The following BAZ2B variants were observed in gnomAD, a reference collection of about 807,000 sequenced individuals.
BAZ2B encodes the protein bromodomain adjacent to zinc finger domain 2B.
BAZ2B carries 91 observed loss-of-function variants against 246.0 expected under a neutral mutation model. The ratio of observed to expected loss-of-function variants is 0.37; its 90% CI spans 0.31 to 0.44. The LOEUF is 0.44. BAZ2B is among the 20% of genes least tolerant of loss of function. The pLI, the probability that BAZ2B is intolerant of heterozygous loss-of-function variation, is 1.00. For synonymous variants in BAZ2B, 855 were observed against 860.0 expected (o/e 0.99, Z 0.10); for missense variants, 2,332 against 2,533.7 (o/e 0.92, Z 1.71).
the BAZ2B span, among the ~76,000 whole-genome samples, chr2:159,682,191 C>CT: frequency 0.018 from 1,987 of 111,758 alleles, 67 homozygotes; most frequent in African/African-American, 0.039. Flanking sequence ...TGCTCAGGCT[C>CT]TTTTTTTTTT....
the BAZ2B span, among the ~76,000 whole-genome samples, chr2:159,668,402 G>A: frequency 1.3e-5 from 2 of 152,106 alleles, no homozygotes; most frequent in African/African-American, 4.8e-5. Context: ...AATCCTTGGG[G>A]TAATATATTC....
chr2:159,372,870 A>G (rs1208122518), intron 27 of BAZ2B, among the ~76,000 whole-genome samples, 175 bp downstream of exon 27: 3 of 152,266 alleles, frequency 2.0e-5, no homozygotes, highest in Non-Finnish European at 4.4e-5. Context: ...ATCAAGGGCT[A>G]GGAGGAAGTG....
rs544228676 is a variant in BAZ2B, at chr2:159,593,686, A to C, written c.-46+22556T>G. On this transcript the variant is annotated intron_variant, in intron 1 of 36. Coordinates refer to ENST00000392783, the MANE Select transcript of BAZ2B (RefSeq NM_013450.4). ...TGGGACACAAATCATCCCTTTGTCCAGCATATCTACTCTATAAACGCTACC... is the reference window on the plus strand; with the variant it reads ...TGGGACACAAATCATCCCTTTGTCCCGCATATCTACTCTATAAACGCTACC... Among the ~76,000 whole-genome samples, 5 of 152,320 alleles carry C rather than the reference A, an allele frequency of 3.3e-5. No individual in the cohort carries two copies. The East Asian group carries it at 7.7e-4, about 23-fold the overall frequency.
intron 13 of BAZ2B, among the ~76,000 whole-genome samples, chr2:159,417,954 G>C (rs1040751770): frequency 1.3e-5 from 2 of 152,218 alleles, no homozygotes; most frequent in African/African-American, 2.4e-5. Flanking sequence ...AGGAATTAGA[G>C]CTAGAAAGAG....
At chr2:159,566,872 T>C (rs992560458) in intron 1 of BAZ2B, among the ~76,000 whole-genome samples, 2 of 152,066 alleles carry the variant, frequency 1.3e-5, no homozygotes, top group Admixed American at 6.6e-5. Flanking sequence ...CTAAGGTACA[T>C]AATATACAGG....
intron 2 of BAZ2B, among the ~76,000 whole-genome samples, chr2:159,498,198 T>G (rs1341054954): frequency 6.6e-6 from 1 of 152,200 alleles, no homozygotes; most frequent in Non-Finnish European, 1.5e-5. Context: ...TGCCAGGTAT[T>G]TTGTTCTTAC....
chr2:159,331,362 CTTAT>C (rs758626158), intron 34 of BAZ2B, among the ~76,000 whole-genome samples: 19 of 151,944 alleles, frequency 1.3e-4, no homozygotes, highest in Admixed American at 3.3e-4. Context: ...CCTCTAACAC[CTTAT>C]TTATTTATTT....
chr2:159,489,745 TA>T (rs913841831), intron 2 of BAZ2B, among the ~76,000 whole-genome samples: 20 of 150,574 alleles, frequency 1.3e-4, no homozygotes, highest in Admixed American at 3.3e-4. Context: ...CTACTAAATT[TA>T]AAAAAAAAAT....
chr2:159,687,662 A>G, the BAZ2B span, among the ~76,000 whole-genome samples: 1 of 152,208 alleles, frequency 6.6e-6, no homozygotes, highest in Non-Finnish European at 1.5e-5. Flanking sequence ...ATAAACTGGT[A>G]ATAGTAAAGT....
chr2:159,385,547 A>G (rs932430793), intron 22 of BAZ2B, among the ~76,000 whole-genome samples, 178 bp from the exon 23 acceptor site: 1 of 151,928 alleles, frequency 6.6e-6, no homozygotes, highest in Non-Finnish European at 1.5e-5. Flanking sequence ...ATATTCAAGT[A>G]TTTGTTTCTT....
intron 31 of BAZ2B, among the ~76,000 whole-genome samples, chr2:159,346,571 G>A (rs1318207207): frequency 3.3e-5 from 5 of 152,018 alleles, no homozygotes; most frequent in Admixed American, 2.0e-4. Flanking sequence ...GGGGCATCAC[G>A]GCATGTACTT....
intron 27 of BAZ2B, among the ~76,000 whole-genome samples, chr2:159,354,426 C>A (rs1292546702): frequency 2.6e-5 from 4 of 152,138 alleles, no homozygotes. Flanking sequence ...TCTCGGTTCA[C>A]TGCAACCTCC....
chr2:159,438,192 A>G, intron 8 of BAZ2B, 111 bp downstream of exon 8: 1 of 995,512 alleles, frequency 1.0e-6, no homozygotes, highest in Non-Finnish European at 1.5e-6. Context: ...GAGACTAAGA[A>G]AGTATAAAAA....
chr2:159,328,339 T>C (rs1020624730), intron 34 of BAZ2B, among the ~76,000 whole-genome samples: 4 of 152,168 alleles, frequency 2.6e-5, no homozygotes, highest in Admixed American at 2.0e-4. Flanking sequence ...GCAAAACTTA[T>C]CAGATTTCAT....
At chr2:159,678,451 AC>A in the BAZ2B span, among the ~76,000 whole-genome samples, 1 of 152,190 alleles carries the variant, frequency 6.6e-6, no homozygotes, top group African/African-American at 2.4e-5. Flanking sequence ...TTATTCTAAC[AC>A]CCAGAATTTC....
intron 27 of BAZ2B, among the ~76,000 whole-genome samples, chr2:159,350,733 G>C (rs2058460748): frequency 6.6e-6 from 1 of 151,946 alleles, no homozygotes; most frequent in Admixed American, 6.6e-5. Flanking sequence ...ACCATGCCTG[G>C]CTAATTTTTT....
chr2:159,638,345 A>T, the BAZ2B span, among the ~76,000 whole-genome samples: 5 of 152,234 alleles, frequency 3.3e-5, no homozygotes, highest in Admixed American at 3.3e-4. Flanking sequence ...ACACTGATGA[A>T]CATCTATAAG....
At chr2:159,410,629 C>T (rs966001160) in intron 14 of BAZ2B, among the ~76,000 whole-genome samples, 2 of 152,018 alleles carry the variant, frequency 1.3e-5, no homozygotes, top group African/African-American at 2.4e-5. Flanking sequence ...TACCCAGTCT[C>T]GGGTCATAAC....
chr2:159,361,017 A>G (rs2059630652), intron 27 of BAZ2B, among the ~76,000 whole-genome samples: 1 of 152,124 alleles, frequency 6.6e-6, no homozygotes, highest in Admixed American at 6.5e-5. Flanking sequence ...AACCTAGGCA[A>G]TACCATTCAG....
Sources: allele counts gnomAD v4.1 joint callset (sites outside exome capture counted in the v4.1 genomes callset), GRCh38; gene constraint gnomAD v4.1.1; transcripts MANE v1.5; gene names NCBI Gene and HGNC (gene_info 2026-07-23, HGNC 2026-07-21).